IL1RL1: variants seen among roughly 807,000 people sequenced by gnomAD.
The protein encoded by IL1RL1 is interleukin-1 receptor-like 1.
A neutral mutation model predicts 50.9 loss-of-function variants in IL1RL1; 32 were observed. The ratio of observed to expected loss-of-function variants is 0.63; its 90% confidence interval spans 0.47 to 0.84. The LOEUF is 0.84. Among genes scored for constraint, IL1RL1 ranks in the 40% least tolerant of loss-of-function variants. IL1RL1 has a pLI of 0.00. For missense variants in IL1RL1, 773 were observed against 662.9 expected, an observed-to-expected ratio of 1.17 and a Z score of -1.82; for synonymous variants, 275 against 236.0, an observed-to-expected ratio of 1.17 and a Z score of -1.51.
intron 9 of IL1RL1, 115 bp from the exon 10 acceptor site, chr2:102,348,964 G>A (rs1677858743): frequency 1.4e-6 from 1 of 721,040 alleles, no homozygotes; most frequent in Non-Finnish European, 2.4e-6. Flanking sequence ...GAATATTTTG[G>A]AGGATGACAT....
At chr2:102,349,481 A>T (rs1677874270) in intron 10 of IL1RL1, among the ~76,000 whole-genome samples, 1 of 152,188 alleles carries the variant, frequency 6.6e-6, no homozygotes, top group Non-Finnish European at 1.5e-5. Flanking sequence ...CAGAGTTAGA[A>T]GTCCTTTGCT....
chr2:102,342,899 G>T, intron 6 of IL1RL1, 137 bp from the exon 7 acceptor site: 2 of 757,476 alleles, frequency 2.6e-6, no homozygotes, highest in Non-Finnish European at 4.4e-6. Flanking sequence ...GAAAGAGGAA[G>T]GTGCTAGAGA....
chr2:102,352,084 A>T, downstream of IL1RL1: 1 of 695,808 alleles, frequency 1.4e-6, no homozygotes, highest in Non-Finnish European at 2.3e-6. Flanking sequence ...TTCTGGGTGG[A>T]TGCAAAATGG....
intron 8 of IL1RL1, chr2:102,345,922 C>T (rs1474962767): frequency 2.1e-5 from 21 of 985,198 alleles, no homozygotes; most frequent in African/African-American, 5.2e-5. Context: ...TGCTTTGCTA[C>T]GTTATCATTG....
rs547066766 is a variant in IL1RL1 at position 102,323,732 on chromosome 2, C to T, written c.-150+12109C>T. Reference sequence around the variant, plus strand: ...CACCCCCATGACCCAAATGCTCCCCCTTAAGCCCCACCTTCAATATTGGGG... The same window carrying T: ...CACCCCCATGACCCAAATGCTCCCCTTTAAGCCCCACCTTCAATATTGGGG... On this transcript the variant is annotated intron_variant, in intron 1 of 10. Coordinates refer to ENST00000233954, the MANE Select transcript of IL1RL1 (RefSeq NM_016232.5). Among the ~76,000 whole-genome samples, 10 of 152,224 alleles carry T rather than the reference C, an allele frequency of 6.6e-5. 1 individual carries two copies. The highest frequency in any genetic ancestry group is 2.6e-4 in the Admixed American group (4 of 15,286).
intron 8 of IL1RL1, among the ~76,000 whole-genome samples, 179 bp from the exon 9 acceptor site, chr2:102,347,766 G>T (rs910275115): frequency 1.3e-5 from 2 of 152,156 alleles, no homozygotes; most frequent in Non-Finnish European, 2.9e-5. Flanking sequence ...TGCTTAGCCT[G>T]ATGTGTTGTA....
intron 1 of IL1RL1, among the ~76,000 whole-genome samples, chr2:102,326,800 C>G (rs1338466712): frequency 1.3e-5 from 2 of 152,134 alleles, no homozygotes; most frequent in Non-Finnish European, 1.5e-5. Flanking sequence ...ACAAGAAGAG[C>G]TAACTATCCT....
Position 102,351,792 on chromosome 2 carries a change from G to A in IL1RL1, c.1542G>A (p.Glu514=). ...TACAGGGGACCATCAAGTGGAGGGA[G>A]GACCACATTGCCAATAAAAGGTCCC... ...MKVQGTIKWR[E]DHIANKRSLN... is the part of the protein sequence containing the mutation. The change falls in exon 11 of 11, where the codon GAG becomes GAA. Residue 514 remains glutamate (E), a synonymous_variant. Coordinates refer to ENST00000233954, the MANE Select transcript of IL1RL1 (RefSeq NM_016232.5). 6.2e-7 allele frequency: 1 copy of A among 1,614,030 alleles called. No individual in the cohort carries two copies. The highest frequency in any genetic ancestry group is 8.5e-7 in the Non-Finnish European group (1 of 1,179,986).
intron 1 of IL1RL1, among the ~76,000 whole-genome samples, chr2:102,321,820 G>A (rs781714190): frequency 2.6e-5 from 4 of 152,208 alleles, no homozygotes; most frequent in Non-Finnish European, 5.9e-5. Flanking sequence ...AGATGATGGA[G>A]ATTAAGAGGA....
At chr2:102,345,297 C>G (rs755563516) in intron 8 of IL1RL1, 5 of 985,290 alleles carry the variant, frequency 5.1e-6, no homozygotes, top group Admixed American at 6.1e-5. Flanking sequence ...AAGCATTTCA[C>G]TCCTGAGCAC....
chr2:102,348,204 C>A (rs1447856500), intron 9 of IL1RL1, 113 bp downstream of exon 9: 3 of 815,538 alleles, frequency 3.7e-6, no homozygotes, highest in African/African-American at 3.5e-5. Flanking sequence ...TTCCATTTTG[C>A]TTGCTAATCT....
At chr2:102,316,116 C>T (rs1375573061) in intron 1 of IL1RL1, among the ~76,000 whole-genome samples, 1 of 152,146 alleles carries the variant, frequency 6.6e-6, no homozygotes, top group African/African-American at 2.4e-5. Flanking sequence ...ATGACGAAAG[C>T]ATTCTTAAAT....
intron 8 of IL1RL1, among the ~76,000 whole-genome samples, chr2:102,346,576 C>T (rs894607302): frequency 1.3e-5 from 2 of 152,194 alleles, no homozygotes; most frequent in East Asian, 1.9e-4. Context: ...GCAATCCCCA[C>T]AGGAAGTACA....
In IL1RL1 at chr2:102,334,721, C is replaced by T. The variant is rs1677265825; in HGVS notation, c.-149-3395C>T. Among the ~76,000 whole-genome samples the T allele has an allele frequency of 3.3e-5, 5 of 151,476 alleles. No homozygotes were observed. In the South Asian group the frequency reaches 1.0e-3, roughly 31 times the overall value. On this transcript the variant is annotated intron_variant, in intron 1 of 10. Coordinates refer to ENST00000233954, the MANE Select transcript of IL1RL1 (RefSeq NM_016232.5). Reference sequence around the variant, plus strand: ...ACACTGGTTTACAGTAAGAGCAGGCCACACATGGCCAGCTCTGGAGTGTGT... The same window carrying T: ...ACACTGGTTTACAGTAAGAGCAGGCTACACATGGCCAGCTCTGGAGTGTGT...
At chr2:102,346,179 G>T (rs893126494) in intron 8 of IL1RL1, 2 of 384,978 alleles carry the variant, frequency 5.2e-6, no homozygotes, top group Non-Finnish European at 3.6e-6. Context: ...AACTTGAAAG[G>T]CCTATGTCTC....
At chr2:102,344,665 G>A in intron 8 of IL1RL1, 1 of 631,858 alleles carries the variant, frequency 1.6e-6, no homozygotes, top group Non-Finnish European at 2.0e-6. Context: ...GCAATACCTG[G>A]CAGCTAGCCA....
intron 2 of IL1RL1, 108 bp downstream of exon 2, chr2:102,338,433 A>G: frequency 1.7e-6 from 1 of 590,030 alleles, no homozygotes; most frequent in Non-Finnish European, 2.9e-6. Flanking sequence ...GTTGAATTGT[A>G]AACTGAAAAA....
chr2:102,343,013 T>C lies in IL1RL1; in HGVS notation c.683-23T>C, dbSNP rs749714484. ...CAGTCGCAGAAGTTAATTTTATTGG[T>C]GAATGTCCTTACTCCCCTCTAGGAA... On this transcript the variant is annotated intron_variant, in intron 6 of 10. Coordinates refer to ENST00000233954, the MANE Select transcript of IL1RL1 (RefSeq NM_016232.5). 99 of 1,606,500 alleles carry C rather than the reference T, an allele frequency of 6.2e-5. 1 individual carries two copies. Among genetic ancestry groups the C allele is most frequent in the Non-Finnish European group, 8.1e-5 (95 of 1,177,090 alleles).
chr2:102,329,693 C>G (rs1390251641), intron 1 of IL1RL1, among the ~76,000 whole-genome samples: 1 of 152,198 alleles, frequency 6.6e-6, no homozygotes, highest in East Asian at 1.9e-4. Flanking sequence ...TGAACAGACA[C>G]TTCTCAAAAT....
Sources: allele counts gnomAD v4.1 joint callset (sites outside exome capture counted in the v4.1 genomes callset), GRCh38; gene constraint gnomAD v4.1.1; transcripts MANE v1.5; gene names NCBI Gene and HGNC (gene_info 2026-07-23, HGNC 2026-07-21).